LIMS2: variants seen among roughly 807,000 people sequenced by gnomAD.
The protein encoded by LIMS2 is LIM zinc finger domain containing 2, also known as LIM and senescent cell antigen-like-containing domain protein 2.
Under a neutral mutation model 45.3 loss-of-function variants are expected in LIMS2, and 30 were observed. The ratio of observed to expected loss-of-function variants is 0.66; its 90% confidence interval spans 0.50 to 0.90. The LOEUF (loss-of-function observed/expected upper bound fraction) is 0.90, where lower values mean the gene tolerates loss of function less well. Ranked by LOEUF, LIMS2 falls within the 40% of genes least tolerant of loss-of-function variation. The pLI is 0.00. For missense variants in LIMS2, 485 were observed against 468.7 expected (o/e 1.03, Z -0.32); for synonymous variants, 173 against 188.0 (o/e 0.92, Z 0.65).
In LIMS2 at chr2:127,675,067, G is replaced by T; in HGVS notation, c.-43C>A. 8.1e-7 allele frequency: 1 copy of T among 1,228,820 alleles called. No individual in the cohort carries two copies. The highest frequency in any genetic ancestry group is 1.0e-6 in the Non-Finnish European group (1 of 984,958). 76.1% of individuals were successfully genotyped at this position (1,228,820 alleles called of 1,614,324 possible). A position where few individuals can be genotyped will look rare whatever the true frequency, so the allele number is the denominator to read the frequency against. On this transcript the variant is annotated 5_prime_UTR_variant, in exon 1 of 10. Coordinates refer to ENST00000355119, the MANE Select transcript of LIMS2 (RefSeq NM_001161403.3). ...GCCCTGGGTTGCCGGGGTTGCCGCG[G>T]GTCTCCCTCTGCTGCTGCAGCCGCC...
upstream of LIMS2, among the ~76,000 whole-genome samples, chr2:127,676,442 G>A (rs1333578809): frequency 3.3e-5 from 4 of 121,138 alleles, no homozygotes; most frequent in African/African-American, 1.1e-4. Flanking sequence ...ACGGAGTTTC[G>A]CTCTTATTGC....
In LIMS2 at chr2:127,640,595, C is replaced by T. The variant is rs527622942; in HGVS notation, c.754-277G>A. On this transcript the variant is annotated intron_variant, in intron 7 of 9. Transcript: ENST00000355119. The stretch of plus-strand genomic sequence containing the variant: ...GGTGGGCCCAGGTGGTGACTGCATC[C>T]CACCAGCGCCCCCTGCCTTCTGTAC... 525 of 599,530 alleles carry T rather than the reference C, an allele frequency of 8.8e-4. 6 individuals are homozygous for T. In the South Asian group the frequency reaches 9.5e-3, roughly 11 times the overall value. 37.1% of individuals were successfully genotyped at this position (599,530 alleles called of 1,614,324 possible).
chr2:127,643,039 C>A lies in LIMS2; in HGVS notation c.393G>T (p.Lys131Asn). The change falls in exon 5 of 10, where the codon AAG becomes AAT. Residue 131 changes from lysine (K) to asparagine (N), a missense_variant. Coordinates refer to ENST00000355119, the MANE Select transcript of LIMS2 (RefSeq NM_001161403.3). ...AGATGTACTTGCCCAGGCCCTTGGC[C>A]TTCTCACGGTTGTGGCAAGGCCGGC... ...HLCRPCHNRE[K>N]AKGLGKYICQ... 1.3e-6 allele frequency: 2 copies of A among 1,585,614 alleles called. No homozygotes were observed. Among genetic ancestry groups the A allele is most frequent in the East Asian group, 2.3e-5 (1 of 43,484 alleles).
At chr2:127,673,247 G>A (rs1186132141) in intron 1 of LIMS2, among the ~76,000 whole-genome samples, 1 of 152,212 alleles carries the variant, frequency 6.6e-6, no homozygotes, top group Admixed American at 6.5e-5. Context: ...CTGCATAAAG[G>A]GAGGCTCTTG....
At chr2:127,670,805 C>T (rs1304724478) in intron 1 of LIMS2, among the ~76,000 whole-genome samples, 1 of 152,228 alleles carries the variant, frequency 6.6e-6, no homozygotes, top group African/African-American at 2.4e-5. Flanking sequence ...AGAGATGCCA[C>T]AAACAGGCTG....
intron 1 of LIMS2, among the ~76,000 whole-genome samples, chr2:127,668,273 A>T (rs1685103898): frequency 6.6e-6 from 1 of 152,224 alleles, no homozygotes; most frequent in Non-Finnish European, 1.5e-5. Flanking sequence ...GATTCAATAC[A>T]ATCTCCATTA....
rs994877481 is a variant in LIMS2 at position 127,643,120 on chromosome 2, C to T, written c.360-48G>A. 1.8e-5 allele frequency: 27 copies of T among 1,529,438 alleles called. No homozygotes were observed. In the African/African-American group the frequency reaches 3.2e-4, roughly 18 times the overall value. The allele number at this position is 1,529,438 out of a possible 1,614,324, so 94.7% of individuals were successfully genotyped here. On this transcript the variant is annotated intron_variant, in intron 4 of 9. Transcript: ENST00000355119. Reference sequence around the variant, plus strand: ...GGGCAGAGCCCCCACTCCCACACAGCCTGGCCACCTCCAGGAGAAGAGAGG... The same window carrying T: ...GGGCAGAGCCCCCACTCCCACACAGTCTGGCCACCTCCAGGAGAAGAGAGG...
Position 127,675,140 on chromosome 2 carries a change from C to CA in LIMS2, c.-117dup. The stretch of plus-strand genomic sequence containing the variant: ...CCGGGCCGCGGAGCAGGGAGACGCC[C>CA]AAAAAAGGCCAAGAGCCGCTCCGCC... On this transcript the variant is annotated 5_prime_UTR_variant, in exon 1 of 10. Transcript: ENST00000355119. The CA allele has an allele frequency of 3.8e-6, 3 of 787,092 alleles. No individual in the cohort carries two copies. Among genetic ancestry groups the CA allele is most frequent in the Non-Finnish European group, 4.6e-6 (3 of 649,618 alleles). The allele number at this position is 787,092 out of a possible 1,614,324, so 48.8% of individuals were successfully genotyped here. A position where few individuals can be genotyped will look rare whatever the true frequency, so the allele number is the denominator to read the frequency against.
In LIMS2 at chr2:127,671,861, C is replaced by A. The variant is rs895469500; in HGVS notation, c.11+3153G>T. ...TACCCACTTTACAGTTTGCTTAAGC[C>A]CCTGACGCCACTGCAGCCTCGTGTG... On this transcript the variant is annotated intron_variant, in intron 1 of 9. Coordinates refer to ENST00000355119, the MANE Select transcript of LIMS2 (RefSeq NM_001161403.3). The surrounding 1 kb of genome is among the most constrained non-coding windows in gnomAD (Gnocchi z 4.1). 5.3e-5 allele frequency among the ~76,000 whole-genome samples: 8 copies of A among 152,212 alleles called. No homozygotes were observed. Among genetic ancestry groups the A allele is most frequent in the Non-Finnish European group, 1.0e-4 (7 of 68,040 alleles).
rs1336386928 is a variant in LIMS2, at chr2:127,675,087, GCCGCCAGCCGAGCGCCCGC to G, written c.-82_-64del. On this transcript the variant is annotated 5_prime_UTR_variant, in exon 1 of 10. Transcript: ENST00000355119. ...CCGCGGGTCTCCCTCTGCTGCTGCA[GCCGCCAGCCGAGCGCCCGC>G]CCGCCAGCCCGGGCCGCGGAGCAGG... is the stretch of plus-strand genomic sequence containing the variant. The G allele has an allele frequency of 4.9e-6, 6 of 1,223,850 alleles. No individual in the cohort carries two copies. Among genetic ancestry groups the G allele is most frequent in the Admixed American group, 4.3e-5 (1 of 23,508 alleles). The allele number at this position is 1,223,850 out of a possible 1,614,324, so 75.8% of individuals were successfully genotyped here. A position where few individuals can be genotyped will look rare whatever the true frequency, so the allele number is the denominator to read the frequency against.
At chr2:127,679,298 G>T (rs143908077), upstream of LIMS2, among the ~76,000 whole-genome samples, 3 of 152,152 alleles carry the variant, frequency 2.0e-5, no homozygotes, top group East Asian at 1.9e-4. This position sits in a 1 kb window ranked among gnomAD's most constrained non-coding sequence, Gnocchi z 5.3. Context: ...GCTCTGAAAG[G>T]GGGGGCAGAG....
chr2:127,664,389 G>GGCGC lies in LIMS2; in HGVS notation c.12-6831_12-6828dup. 1 of 1,207,014 alleles carries GGCGC rather than the reference G, an allele frequency of 8.3e-7. No individual in the cohort carries two copies. Among genetic ancestry groups the GGCGC allele is most frequent in the Non-Finnish European group, 1.0e-6 (1 of 972,144 alleles). The allele number at this position is 1,207,014 out of a possible 1,614,324, so 74.8% of individuals were successfully genotyped here. On this transcript the variant is annotated intron_variant, in intron 1 of 9. Coordinates refer to ENST00000355119, the MANE Select transcript of LIMS2 (RefSeq NM_001161403.3). This position sits in a 1 kb window ranked among gnomAD's most constrained non-coding sequence, Gnocchi z 5.5. ...CCAGCGCACCCAGCCGGGCCGCCAT[G>GGCGC]GCGCGGGGCAGCCGCCTTGAGGTCG...
At chr2:127,675,533 G>A (rs933154169), upstream of LIMS2, among the ~76,000 whole-genome samples, 10 of 152,100 alleles carry the variant, frequency 6.6e-5, no homozygotes, top group African/African-American at 2.4e-4. Flanking sequence ...GCCACCTCCT[G>A]GATTCCGGGC....
intron 4 of LIMS2, chr2:127,643,972 G>A: frequency 2.2e-6 from 1 of 446,574 alleles, no homozygotes; most frequent in Non-Finnish European, 4.5e-6. Context: ...ATACGGAAGA[G>A]ATCCAATCGC....
At chr2:127,658,167 T>C (rs1438961711) in intron 1 of LIMS2, among the ~76,000 whole-genome samples, 1 of 152,164 alleles carries the variant, frequency 6.6e-6, no homozygotes, top group African/African-American at 2.4e-5. Context: ...GGTGGGCGGA[T>C]CCCTTGAGCC....
Position 127,667,451 on chromosome 2 carries a change from C to T in LIMS2, c.11+7563G>A, listed in dbSNP as rs929981302. Among the ~76,000 whole-genome samples, 8 of 152,114 alleles carry T rather than the reference C, an allele frequency of 5.3e-5. No individual in the cohort carries two copies. Among genetic ancestry groups the T allele is most frequent in the Non-Finnish European group, 8.8e-5 (6 of 68,028 alleles). On this transcript the variant is annotated intron_variant, in intron 1 of 9. Coordinates refer to ENST00000355119, the MANE Select transcript of LIMS2 (RefSeq NM_001161403.3). The surrounding 1 kb of genome is among the most constrained non-coding windows in gnomAD (Gnocchi z 4.1). Reference sequence around the variant, plus strand: ...AAAGTCACATAGATGCAAATGTCCTCGATAAAATACAATAAATCTAACACT... The same window carrying T: ...AAAGTCACATAGATGCAAATGTCCTTGATAAAATACAATAAATCTAACACT...
intron 1 of LIMS2, chr2:127,674,641 C>A: frequency 1.0e-6 from 1 of 985,404 alleles, no homozygotes; most frequent in African/African-American, 1.7e-5. Context: ...GATCGCACAG[C>A]GCGGGCTCGG....
In LIMS2 at chr2:127,664,364, C is replaced by A. The variant is rs1684877842; in HGVS notation, c.12-6802G>T. 1 of 1,216,024 alleles carries A rather than the reference C, an allele frequency of 8.2e-7. No individual in the cohort carries two copies. Among genetic ancestry groups the A allele is most frequent in the Non-Finnish European group, 1.0e-6 (1 of 977,934 alleles). The allele number at this position is 1,216,024 out of a possible 1,614,324, so 75.3% of individuals were successfully genotyped here. On this transcript the variant is annotated intron_variant, in intron 1 of 9. Transcript: ENST00000355119. The surrounding 1 kb of genome is among the most constrained non-coding windows in gnomAD (Gnocchi z 5.5). ...CGCCGCCGGTACAGCCCCGACGCGG[C>A]CAGCGCACCCAGCCGGGCCGCCATG... is the stretch of plus-strand genomic sequence containing the variant.
intron 6 of LIMS2, 107 bp from the exon 7 acceptor site, chr2:127,641,095 G>C: frequency 1.2e-6 from 1 of 828,494 alleles, no homozygotes; most frequent in Non-Finnish European, 2.0e-6. Flanking sequence ...GTGACTCCAG[G>C]GGACCACAGT....
Sources: gnomAD v4.1 joint callset for allele counts (sites outside exome capture counted in the v4.1 genomes callset) on GRCh38, gnomAD v4.1.1 for gene constraint, Gnocchi (gnomAD v3.1) non-coding constraint, MANE v1.5 for transcripts, NCBI Gene and HGNC (gene_info 2026-07-23, HGNC 2026-07-21) for gene names.